The following IQCH variants were observed in gnomAD, a reference collection of about 807,000 sequenced individuals.
IQCH encodes IQ motif containing H.
IQCH carries 98 observed loss-of-function variants against 117.0 expected under a neutral mutation model. The ratio of observed to expected loss-of-function variants is 0.84; its 90% CI spans 0.71 to 0.99. The LOEUF is 0.99. Ranked by LOEUF, IQCH falls within the 50% of genes least tolerant of loss-of-function variation. IQCH has a pLI of 0.00. For synonymous variants in IQCH, 412 were observed against 448.2 expected (o/e 0.92, Z 1.02); for missense variants, 1,102 against 1,243.8 (o/e 0.89, Z 1.72).
intron 16 of IQCH, among the ~76,000 whole-genome samples, chr15:67,462,227 G>C (rs1491001990): frequency 6.6e-6 from 1 of 151,714 alleles, no homozygotes; most frequent in Non-Finnish European, 1.5e-5. Flanking sequence ...AGGAGTTCCA[G>C]ACCAGCCTGG....
At chr15:67,293,911 C>A (rs1195395065) in intron 4 of IQCH, among the ~76,000 whole-genome samples, 1 of 152,092 alleles carries the variant, frequency 6.6e-6, no homozygotes, top group Non-Finnish European at 1.5e-5. Flanking sequence ...ATCTTGTAGA[C>A]CATTGTGAGA....
Position 67,421,717 on chromosome 15 carries a change from A to G in IQCH, c.2505+140A>G, listed in dbSNP as rs943268971. On this transcript the variant is annotated intron_variant, in intron 16 of 20. Transcript: ENST00000335894. ...TGAACTTGCTCTAAATTCAACACCT[A>G]TATGGCCCATGCGAATCCAAGTGGG... 40 of 848,302 alleles carry G rather than the reference A, an allele frequency of 4.7e-5. No homozygotes were observed. In the Middle Eastern group the frequency reaches 1.8e-3, roughly 38 times the overall value. The allele number at this position is 848,302 out of a possible 1,614,324, so 52.5% of individuals were successfully genotyped here. A position where few individuals can be genotyped will look rare whatever the true frequency, so the allele number is the denominator to read the frequency against.
At chr15:67,498,715 T>C (rs1218505698) in intron 20 of IQCH, among the ~76,000 whole-genome samples, 4 of 152,164 alleles carry the variant, frequency 2.6e-5, no homozygotes, top group Non-Finnish European at 5.9e-5. Flanking sequence ...CTTCATGACC[T>C]TGGGTTAGCA....
Position 67,459,201 on chromosome 15 carries a change from GA to G in IQCH, c.2506-5921del, listed in dbSNP as rs2082730581. Among the ~76,000 whole-genome samples, 1 of 152,100 alleles carries G rather than the reference GA, an allele frequency of 6.6e-6. No homozygotes were observed. ...AAATCTCTGGTTCTTCTTACAAAAA[GA>G]AAAAGAGGAAGAAGACGATAAGAAA... On this transcript the variant is annotated intron_variant, in intron 16 of 20. Transcript: ENST00000335894. The surrounding 1 kb of genome is among the most constrained non-coding windows in gnomAD (Gnocchi z 4.2).
chr15:67,312,431 C>T (rs1487816478), intron 4 of IQCH, among the ~76,000 whole-genome samples: 2 of 152,054 alleles, frequency 1.3e-5, no homozygotes, highest in African/African-American at 2.4e-5. Flanking sequence ...TTTTCTTTCA[C>T]GCAAAAATCC....
At chr15:67,290,349 A>C (rs988927642) in intron 4 of IQCH, among the ~76,000 whole-genome samples, 1 of 152,052 alleles carries the variant, frequency 6.6e-6, no homozygotes, top group African/African-American at 2.4e-5. Context: ...TTTTATTTTA[A>C]TGCTGCATCA....
Position 67,263,191 on chromosome 15 carries a change from T to C in IQCH, c.244T>C (p.Leu82=), listed in dbSNP as rs375405113. The C allele has an allele frequency of 3.1e-5, 49 of 1,567,444 alleles. No individual in the cohort carries two copies. Among genetic ancestry groups the C allele is most frequent in the Non-Finnish European group, 4.0e-5 (45 of 1,137,950 alleles). Residue 82 remains leucine (L), a synonymous_variant, in exon 3 of 21, where the codon TTA becomes CTA. Transcript: ENST00000335894. ...VLTTSVNDES[L]YTPQASKWLL... ...AACGACTTCTGTTAATGATGAGAGC[T>C]TATATACTCCCCAGGCTTCCAAATG... is the stretch of plus-strand genomic sequence containing the variant.
rs1596317205 is a variant in IQCH, at chr15:67,404,860, G to A, written c.2097+4555G>A. 6.6e-6 allele frequency: 1 copy of A among 151,964 alleles called. No individual in the cohort carries two copies. Among genetic ancestry groups the A allele is most frequent in the Middle Eastern group, 3.2e-3 (1 of 316 alleles). The allele number at this position is 151,964 out of a possible 1,614,324, so 9.4% of individuals were successfully genotyped here. A position where few individuals can be genotyped will look rare whatever the true frequency, so the allele number is the denominator to read the frequency against. On this transcript the variant is annotated intron_variant, in intron 14 of 20. Transcript: ENST00000335894. The surrounding 1 kb of genome is among the most constrained non-coding windows in gnomAD (Gnocchi z 4.6). ...TTGGTTTTTGTATACACCTCTTTTTGCTTCTGTTGAGTTACTTCCCGAGGA... is the reference window on the plus strand; with the variant it reads ...TTGGTTTTTGTATACACCTCTTTTTACTTCTGTTGAGTTACTTCCCGAGGA...
In IQCH at chr15:67,416,583, G is replaced by A. The variant is rs1477680263; in HGVS notation, c.2098-348G>A. On this transcript the variant is annotated intron_variant, in intron 14 of 20. Transcript: ENST00000335894. The surrounding 1 kb of genome is among the most constrained non-coding windows in gnomAD (Gnocchi z 5.1). ...CAGTTAACCCCACATTTTATATAAA[G>A]GGAAACTGAGGCCCAGAATGAGAAA... Among the ~76,000 whole-genome samples the A allele has an allele frequency of 6.6e-6, 1 of 151,764 alleles. No individual in the cohort carries two copies. Among genetic ancestry groups the A allele is most frequent in the East Asian group, 1.9e-4 (1 of 5,172 alleles).
At chr15:67,303,115 C>G (rs1232246322) in intron 4 of IQCH, among the ~76,000 whole-genome samples, 1 of 152,170 alleles carries the variant, frequency 6.6e-6, no homozygotes, top group Non-Finnish European at 1.5e-5. Flanking sequence ...ACCCTCAAAA[C>G]TAAGACACTT....
intron 18 of IQCH, among the ~76,000 whole-genome samples, chr15:67,483,042 G>A (rs1416436374): frequency 6.6e-6 from 1 of 152,160 alleles, no homozygotes; most frequent in Non-Finnish European, 1.5e-5. Flanking sequence ...CTGGATAAGG[G>A]CTAAGAACAC....
intron 4 of IQCH, among the ~76,000 whole-genome samples, chr15:67,335,581 T>C (rs971992486): frequency 6.6e-6 from 1 of 152,028 alleles, no homozygotes; most frequent in Non-Finnish European, 1.5e-5. Context: ...TAGGAGGAGA[T>C]CCTGGAAGCT....
At chr15:67,260,650 C>G (rs912463041) in intron 1 of IQCH, among the ~76,000 whole-genome samples, 2 of 152,204 alleles carry the variant, frequency 1.3e-5, no homozygotes, top group African/African-American at 4.8e-5. Context: ...CTTATCATCT[C>G]TGACTGAACT....
At chr15:67,306,656 C>G (rs1390662267) in intron 4 of IQCH, among the ~76,000 whole-genome samples, 1 of 152,052 alleles carries the variant, frequency 6.6e-6, no homozygotes, top group African/African-American at 2.4e-5. Context: ...TACCCCCTGC[C>G]ACACACACAT....
Position 67,388,730 on chromosome 15 carries a change from T to C in IQCH, c.1457-101T>C. ...AATTAACCTTAACCTGGGTTTTGGA[T>C]ATGCTCTTTATTTTAAACTGCACAA... is the stretch of plus-strand genomic sequence containing the variant. On this transcript the variant is annotated intron_variant, in intron 11 of 20. Coordinates refer to ENST00000335894, the MANE Select transcript of IQCH (RefSeq NM_001031715.3). The surrounding 1 kb of genome is among the most constrained non-coding windows in gnomAD (Gnocchi z 5.5). 1 of 1,008,256 alleles carries C rather than the reference T, an allele frequency of 9.9e-7. No homozygotes were observed. The highest frequency in any genetic ancestry group is 1.5e-6 in the Non-Finnish European group (1 of 676,318). The allele number at this position is 1,008,256 out of a possible 1,614,324, so 62.5% of individuals were successfully genotyped here.
At chr15:67,368,677 G>C (rs1970417450) in intron 8 of IQCH, among the ~76,000 whole-genome samples, 1 of 152,130 alleles carries the variant, frequency 6.6e-6, no homozygotes, top group Non-Finnish European at 1.5e-5. Context: ...GCAATGGAAT[G>C]ATTATCATTC....
At position 67,369,373 on chromosome 15, in the gene IQCH, A is replaced by G. The variant is rs539395919; in HGVS notation, c.754-2738A>G. Reference sequence around the variant, plus strand: ...CCAAGAAGCACCAGGTGAGAATACAATGTTTTGACAGAAATCCTTCTTGGC... The same window carrying G: ...CCAAGAAGCACCAGGTGAGAATACAGTGTTTTGACAGAAATCCTTCTTGGC... On this transcript the variant is annotated intron_variant, in intron 8 of 20. Coordinates refer to ENST00000335894, the MANE Select transcript of IQCH (RefSeq NM_001031715.3). This position sits in a 1 kb window ranked among gnomAD's most constrained non-coding sequence, Gnocchi z 5.2. Among the ~76,000 whole-genome samples the G allele has an allele frequency of 1.3e-5, 2 of 152,154 alleles. No individual in the cohort carries two copies. Among genetic ancestry groups the G allele is most frequent in the Non-Finnish European group, 1.5e-5 (1 of 68,028 alleles).
Position 67,384,811 on chromosome 15 carries a change from C to A in IQCH, c.1373-125C>A. On this transcript the variant is annotated intron_variant, in intron 10 of 20. Coordinates refer to ENST00000335894, the MANE Select transcript of IQCH (RefSeq NM_001031715.3). This position sits in a 1 kb window ranked among gnomAD's most constrained non-coding sequence, Gnocchi z 4.3. ...CTCATTCTTCGGGATTGGGTTGTTT[C>A]TGTAAGATGCTTCAGAGAAAATTTT... The A allele has an allele frequency of 1.5e-6, 1 of 664,206 alleles. No homozygotes were observed. The highest frequency in any genetic ancestry group is 2.8e-6 in the Non-Finnish European group (1 of 360,404). 41.1% of individuals were successfully genotyped at this position (664,206 alleles called of 1,614,324 possible).
rs1242136113 is a variant in IQCH at position 67,490,163 on chromosome 15, G to C, written c.2861+99G>C. The C allele has an allele frequency of 1.2e-6, 1 of 823,116 alleles. No individual in the cohort carries two copies. The highest frequency in any genetic ancestry group is 2.1e-6 in the Non-Finnish European group (1 of 486,636). 51.0% of individuals were successfully genotyped at this position (823,116 alleles called of 1,614,324 possible). On this transcript the variant is annotated intron_variant, in intron 19 of 20. Coordinates refer to ENST00000335894, the MANE Select transcript of IQCH (RefSeq NM_001031715.3). The surrounding 1 kb of genome is among the most constrained non-coding windows in gnomAD (Gnocchi z 4.9). ...TCTCATGCATTTTAATCAGCATGCT[G>C]ATTTATTAGAAGTCTATCTTTATTT...
Sources: allele counts gnomAD v4.1 joint callset (sites outside exome capture counted in the v4.1 genomes callset), GRCh38; gene constraint gnomAD v4.1.1; non-coding constraint Gnocchi (gnomAD v3.1); transcripts MANE v1.5; gene names NCBI Gene and HGNC (gene_info 2026-07-23, HGNC 2026-07-21).